Variants in NT5C2 observed in about 807,000 individuals in gnomAD.
NT5C2 encodes cytosolic purine 5'-nucleotidase.
NT5C2 carries 58 observed loss-of-function variants against 76.1 expected under a neutral mutation model. The ratio of observed to expected loss-of-function variants is 0.76; its 90% CI spans 0.62 to 0.95. The LOEUF (loss-of-function observed/expected upper bound fraction) is 0.95. NT5C2 is among the 40% of genes least tolerant of loss of function. The pLI is 0.00. For missense variants in NT5C2, 478 were observed against 690.3 expected (o/e 0.69, Z 3.45); for synonymous variants, 229 against 237.4 (o/e 0.96, Z 0.32).
At position 103,089,591 on chromosome 10, in the gene NT5C2, A is replaced by C. The variant is rs2066168264; in HGVS notation, c.*81T>G. ...GGAGCCCCCTCCCTCCCCCGAGTAG[A>C]ACCCTAACAGGGACCTCGTTTGTTC... On this transcript the variant is annotated 3_prime_UTR_variant, in exon 19 of 19. Coordinates refer to ENST00000404739, the MANE Select transcript of NT5C2 (RefSeq NM_001351169.2). 1 of 1,459,266 alleles carries C rather than the reference A, an allele frequency of 6.9e-7. No homozygotes were observed. The highest frequency in any genetic ancestry group is 1.4e-5 in the African/African-American group (1 of 70,406). 90.4% of individuals were successfully genotyped at this position (1,459,266 alleles called of 1,614,324 possible).
intron 4 of NT5C2, among the ~76,000 whole-genome samples, chr10:103,127,738 TAG>T (rs1230461364): frequency 6.6e-6 from 1 of 152,204 alleles, no homozygotes; most frequent in East Asian, 1.9e-4. Flanking sequence ...ATTAGAAGTT[TAG>T]AGAGACGGGG....
chr10:103,132,332 C>T (rs532676381), intron 4 of NT5C2, among the ~76,000 whole-genome samples: 82 of 151,432 alleles, frequency 5.4e-4, no homozygotes, highest in Non-Finnish European at 1.1e-3. Context: ...CAACTAAATG[C>T]AATATGCGAT....
intron 4 of NT5C2, among the ~76,000 whole-genome samples, chr10:103,115,965 C>G (rs569316991): frequency 6.6e-6 from 1 of 152,168 alleles, no homozygotes; most frequent in South Asian, 2.1e-4. Flanking sequence ...GGAGGGACCA[C>G]CTCAAAAACA....
intron 1 of NT5C2, among the ~76,000 whole-genome samples, chr10:103,192,331 G>C (rs2092699713): frequency 1.3e-5 from 2 of 152,152 alleles, no homozygotes; most frequent in African/African-American, 4.8e-5. Context: ...GTACTTCAGA[G>C]CACGACCCCC....
At position 103,097,392 on chromosome 10, in the gene NT5C2, A is replaced by C. The variant is rs781466868; in HGVS notation, c.688-18T>G. ...AGTTTTCCCTGAAATGTAATTGGAT[A>C]ATGAGTGAAACACGAAAACATTTTT... On this transcript the variant is annotated intron_variant, in intron 10 of 18. Coordinates refer to ENST00000404739, the MANE Select transcript of NT5C2 (RefSeq NM_001351169.2). The C allele has an allele frequency of 1.6e-5, 26 of 1,592,562 alleles. No individual in the cohort carries two copies. In the South Asian group the frequency reaches 2.9e-4, roughly 18 times the overall value.
intron 3 of NT5C2, among the ~76,000 whole-genome samples, chr10:103,159,439 G>C (rs1195856912): frequency 6.6e-6 from 1 of 151,896 alleles, no homozygotes; most frequent in Non-Finnish European, 1.5e-5. Flanking sequence ...CAGAAATAAT[G>C]AAAGACACCA....
chr10:103,115,102 T>A (rs1018109510), intron 4 of NT5C2, among the ~76,000 whole-genome samples: 2 of 152,202 alleles, frequency 1.3e-5, no homozygotes, highest in African/African-American at 4.8e-5. Context: ...AGTTTAGTCA[T>A]GTTGAAAATA....
Position 103,100,008 on chromosome 10 carries a change from C to A in NT5C2, c.551G>T (p.Gly184Val). The A allele has an allele frequency of 6.2e-7, 1 of 1,606,286 alleles. No individual in the cohort carries two copies. The highest frequency in any genetic ancestry group is 8.5e-7 in the Non-Finnish European group (1 of 1,173,544). ...NCPRYTSCET[G>V]FKDGDLFMSY... ...CATGAAGAGGTCCCCATCTTTAAATCCTGTTTCACAACTACAGAAAGATAA... is the reference window on the plus strand; with the variant it reads ...CATGAAGAGGTCCCCATCTTTAAATACTGTTTCACAACTACAGAAAGATAA... Residue 184 changes from glycine to valine, a missense_variant, in exon 9 of 19, where the codon GGA (glycine) becomes GTA (valine). Transcript: ENST00000404739.
chr10:103,094,568 C>T, intron 12 of NT5C2, 113 bp from the exon 13 acceptor site: 1 of 663,624 alleles, frequency 1.5e-6, no homozygotes, highest in Admixed American at 2.4e-5. Context: ...GCCAGAAGAT[C>T]CCACTATTTT....
chr10:103,135,961 C>T (rs1184319663), intron 4 of NT5C2, among the ~76,000 whole-genome samples: 1 of 151,824 alleles, frequency 6.6e-6, no homozygotes, highest in African/African-American at 2.4e-5. Flanking sequence ...GTGGTGGGCA[C>T]CTGTAATCCC....
chr10:103,123,658 G>A (rs1428040011), intron 4 of NT5C2, among the ~76,000 whole-genome samples: 1 of 152,182 alleles, frequency 6.6e-6, no homozygotes, highest in Admixed American at 6.6e-5. Context: ...AGAGAAATGC[G>A]AAGGAGTGGA....
At chr10:103,106,729 T>C in intron 4 of NT5C2, 23 bp from the exon 5 acceptor site, 1 of 1,375,728 alleles carries the variant, frequency 7.3e-7, no homozygotes, top group Non-Finnish European at 1.0e-6. Flanking sequence ...GAGGTTTTCA[T>C]TAGTTAGCAG....
chr10:103,140,027 CCTT>C (rs1477570108), intron 3 of NT5C2: 1 of 152,394 alleles, frequency 6.6e-6, no homozygotes, highest in Non-Finnish European at 1.5e-5. Flanking sequence ...AGGAGATCCT[CCTT>C]ACCTCAGCCT....
intron 4 of NT5C2, chr10:103,125,296 TAAA>T (rs368951789): frequency 3.1e-3 from 1,369 of 446,438 alleles, no homozygotes; most frequent in South Asian, 3.9e-3. Context: ...TTGTCACAGT[TAAA>T]AAAAAAAAAA....
At chr10:103,118,376 T>C (rs79924793) in intron 4 of NT5C2, among the ~76,000 whole-genome samples, 1 of 151,382 alleles carries the variant, frequency 6.6e-6, no homozygotes, top group Middle Eastern at 3.4e-3. Context: ...TTTTTTTTTT[T>C]GGATAGGTCT....
chr10:103,132,457 T>C (rs1180903710), intron 4 of NT5C2, among the ~76,000 whole-genome samples: 1 of 152,168 alleles, frequency 6.6e-6, no homozygotes, highest in Non-Finnish European at 1.5e-5. Context: ...TTTTTATAAT[T>C]GTACTATGGT....
intron 4 of NT5C2, chr10:103,125,424 G>A: frequency 3.9e-6 from 1 of 256,154 alleles, no homozygotes; most frequent in South Asian, 4.6e-5. Flanking sequence ...CATTGTGGTG[G>A]CGTGGAAAGA....
intron 3 of NT5C2, among the ~76,000 whole-genome samples, chr10:103,173,406 A>G (rs1175997782): frequency 7.2e-6 from 1 of 138,420 alleles, no homozygotes; most frequent in Admixed American, 7.3e-5. Flanking sequence ...TCACAAGAAG[A>G]GTAGATCAAG....
chr10:103,139,480 C>G lies in NT5C2; in HGVS notation c.102-1G>C, dbSNP rs554684379. On this transcript the variant is annotated splice_acceptor_variant, in intron 3 of 18. Transcript: ENST00000404739. LOFTEE classifies it high-confidence loss of function. Reference sequence around the variant, plus strand: ...TGCTAAACTTCGGTTCACAAACACCCTATAGAAAATAATAAAAAATAATAT... The same window carrying G: ...TGCTAAACTTCGGTTCACAAACACCGTATAGAAAATAATAAAAAATAATAT... The G allele has an allele frequency of 1.3e-6, 2 of 1,553,878 alleles. No individual in the cohort carries two copies. Among genetic ancestry groups the G allele is most frequent in the African/African-American group, 2.7e-5 (2 of 72,932 alleles).
Sources: allele counts gnomAD v4.1 joint callset (sites outside exome capture counted in the v4.1 genomes callset), GRCh38; gene constraint gnomAD v4.1.1; transcripts MANE v1.5; gene names NCBI Gene and HGNC (gene_info 2026-07-23, HGNC 2026-07-21).